Variants in TEX9 observed in about 807,000 individuals in gnomAD.
The protein encoded by TEX9 is testis-expressed protein 9.
In TEX9, 74 loss-of-function variants were observed where a neutral mutation model predicts 59.6. That is an observed-to-expected ratio of 1.24 (90% CI 1.03 to 1.51). The LOEUF (loss-of-function observed/expected upper bound fraction) is 1.51. Among genes scored for constraint, TEX9 ranks in the 40% most tolerant of loss-of-function variants. TEX9 has a pLI of 0.00. For synonymous variants in TEX9, 186 were observed against 152.2 expected (o/e 1.22, Z -1.64); for missense variants, 522 against 447.8 (o/e 1.17, Z -1.49).
intron 1 of TEX9, among the ~76,000 whole-genome samples, chr15:56,293,347 A>C (rs1231301009): frequency 1.3e-5 from 2 of 152,184 alleles, no homozygotes; most frequent in African/African-American, 4.8e-5. Context: ...ACGCACAAAA[A>C]AGACAGTCCC....
chr15:56,451,370 G>T, the TEX9 span, among the ~76,000 whole-genome samples: 1 of 152,196 alleles, frequency 6.6e-6, no homozygotes, highest in Non-Finnish European at 1.5e-5. Context: ...AGATACCACA[G>T]AACTTTACTA....
chr15:56,267,904 T>C (rs972368198), intron 1 of TEX9, among the ~76,000 whole-genome samples: 1 of 152,242 alleles, frequency 6.6e-6, no homozygotes, highest in African/African-American at 2.4e-5. Context: ...ATTGAATCTA[T>C]AAATTACCTT....
intron 1 of TEX9, among the ~76,000 whole-genome samples, chr15:56,278,311 G>T (rs1272470886): frequency 6.6e-6 from 1 of 152,208 alleles, no homozygotes. Context: ...AGGAGATGAT[G>T]TATATTCCAC....
At chr15:56,421,615 T>C (rs1440839578) in intron 10 of TEX9, 19 of 151,804 alleles carry the variant, frequency 1.3e-4, no homozygotes, top group Admixed American at 1.2e-3. Context: ...CTAGTTGACT[T>C]TGCTTTTTAA....
intron 12 of TEX9, among the ~76,000 whole-genome samples, chr15:56,430,427 A>G (rs184963862): frequency 1.5e-3 from 230 of 152,214 alleles, no homozygotes; most frequent in African/African-American, 5.4e-3. Context: ...GCTGGTCTTG[A>G]ACTCCTGGGC....
downstream of TEX9, chr15:56,447,363 T>A (rs1251023242): frequency 6.4e-6 from 1 of 155,098 alleles, no homozygotes; most frequent in African/African-American, 2.4e-5. Flanking sequence ...GCTGTGATAG[T>A]ACTGAATTCA....
intron 1 of TEX9, among the ~76,000 whole-genome samples, chr15:56,318,379 C>T (rs1169060872): frequency 5.3e-5 from 8 of 151,970 alleles, no homozygotes; most frequent in African/African-American, 1.4e-4. Flanking sequence ...TTTCTTTCAA[C>T]CTATTTGTAC....
chr15:56,255,690 A>T lies in TEX9; in HGVS notation c.-107+11412A>T, dbSNP rs116599884. ...GAAGCTCTACTAATACTGAACCTTTATAAATCTAAGAATATAACATCAAAT... is the reference window on the plus strand; with the variant it reads ...GAAGCTCTACTAATACTGAACCTTTTTAAATCTAAGAATATAACATCAAAT... On this transcript the variant is annotated intron_variant, in intron 1 of 5. Coordinates refer to the TEX9 transcript ENST00000560827. 1.7e-3 allele frequency among the ~76,000 whole-genome samples: 259 copies of T among 152,222 alleles called. 1 individual carries two copies. The highest frequency in any genetic ancestry group is 5.9e-3 in the African/African-American group (247 of 41,576).
At chr15:56,277,479 G>A (rs909819201) in intron 1 of TEX9, among the ~76,000 whole-genome samples, 6 of 152,156 alleles carry the variant, frequency 3.9e-5, no homozygotes, top group Non-Finnish European at 7.3e-5. Flanking sequence ...AGATCAGATG[G>A]TTGTAGATGT....
chr15:56,369,225 C>G (rs1215887252), intron 2 of TEX9, among the ~76,000 whole-genome samples: 1 of 152,110 alleles, frequency 6.6e-6, no homozygotes, highest in Non-Finnish European at 1.5e-5. Context: ...AGGTCTTGCT[C>G]TGATGTCCAG....
At chr15:56,423,332 C>A (rs2050074166) in intron 10 of TEX9, among the ~76,000 whole-genome samples, 1 of 152,100 alleles carries the variant, frequency 6.6e-6, no homozygotes, top group African/African-American at 2.4e-5. Context: ...TCTTCTTTGA[C>A]CCCTTGGTAG....
At chr15:56,352,819 C>A (rs1353990219) in intron 1 of TEX9, among the ~76,000 whole-genome samples, 2 of 152,136 alleles carry the variant, frequency 1.3e-5, no homozygotes, top group Non-Finnish European at 2.9e-5. Context: ...TCCCACCAAA[C>A]TCTGAAATAA....
intron 12 of TEX9, chr15:56,428,715 A>G (rs2050449323): frequency 2.7e-6 from 1 of 363,734 alleles, no homozygotes; most frequent in African/African-American, 2.1e-5. Flanking sequence ...AGTAGACCAA[A>G]AAAGATGCTT....
chr15:56,281,822 A>G (rs961809244), intron 1 of TEX9, among the ~76,000 whole-genome samples: 15 of 152,168 alleles, frequency 9.9e-5, no homozygotes, highest in Admixed American at 1.3e-4. Context: ...CTCTACCCAA[A>G]TACAGTGTCC....
intron 9 of TEX9, among the ~76,000 whole-genome samples, chr15:56,405,282 G>A (rs1229333243): frequency 2.0e-5 from 3 of 150,738 alleles, no homozygotes; most frequent in Non-Finnish European, 4.4e-5. Flanking sequence ...ACTCCAGCCT[G>A]GGTGACAGAG....
At chr15:56,378,986 C>T (rs549425611) in intron 3 of TEX9, among the ~76,000 whole-genome samples, 1 of 150,534 alleles carries the variant, frequency 6.6e-6, no homozygotes, top group South Asian at 2.1e-4. Context: ...ATTGTTGAGC[C>T]CAGGAAGGTC....
intron 12 of TEX9, chr15:56,443,413 C>T: frequency 1.3e-6 from 2 of 1,514,062 alleles, no homozygotes; most frequent in Non-Finnish European, 1.8e-6. Context: ...ATCATTCTTT[C>T]CATTTCTGAA....
intron 1 of TEX9, among the ~76,000 whole-genome samples, chr15:56,261,403 T>G (rs1224478804): frequency 6.6e-6 from 1 of 151,942 alleles, no homozygotes; most frequent in Non-Finnish European, 1.5e-5. Flanking sequence ...ACACAGTAAT[T>G]TTAACCAAAA....
chr15:56,362,920 T>A (rs1364192040), upstream of TEX9, among the ~76,000 whole-genome samples: 1 of 152,266 alleles, frequency 6.6e-6, no homozygotes. Flanking sequence ...GTGGTATACA[T>A]GTACTTCATT....
Sources: gnomAD v4.1 joint callset for allele counts (sites outside exome capture counted in the v4.1 genomes callset) on GRCh38, gnomAD v4.1.1 for gene constraint, MANE v1.5 for transcripts, NCBI Gene and HGNC (gene_info 2026-07-23, HGNC 2026-07-21) for gene names.